SP4: variants seen among roughly 807,000 people sequenced by gnomAD.
SP4 encodes transcription factor Sp4.
SP4 carries 19 observed loss-of-function variants against 72.8 expected under a neutral mutation model. The ratio of observed to expected loss-of-function variants is 0.26; its 90% CI spans 0.18 to 0.38. SP4 has a LOEUF of 0.38. Ranked by LOEUF, SP4 falls within the 10% of genes least tolerant of loss-of-function variation. SP4 has a pLI of 1.00. For synonymous variants in SP4, 395 were observed against 333.1 expected (o/e 1.19, Z -2.02); for missense variants, 1,008 against 926.3 (o/e 1.09, Z -1.14).
intron 3 of SP4, among the ~76,000 whole-genome samples, chr7:21,432,456 G>A (rs1320139639): frequency 2.6e-5 from 4 of 152,188 alleles, no homozygotes; most frequent in African/African-American, 9.6e-5. Context: ...TTAATTAAGA[G>A]AATTAACTTA....
chr7:21,492,256 G>A (rs1784998803), intron 5 of SP4, among the ~76,000 whole-genome samples: 1 of 152,120 alleles, frequency 6.6e-6, no homozygotes, highest in African/African-American at 2.4e-5. Flanking sequence ...CTACAGAGAG[G>A]GTGGGTGGAG....
At chr7:21,498,476 G>A (rs971931005) in intron 5 of SP4, among the ~76,000 whole-genome samples, 19 of 152,248 alleles carry the variant, frequency 1.2e-4, no homozygotes, top group Middle Eastern at 3.4e-3. Flanking sequence ...ATTCTAGGCC[G>A]CGTAGGTAAG....
At chr7:21,444,105 A>G (rs1190358666) in intron 3 of SP4, among the ~76,000 whole-genome samples, 1 of 152,152 alleles carries the variant, frequency 6.6e-6, no homozygotes, top group Non-Finnish European at 1.5e-5. Context: ...TTAGACTTTC[A>G]TCTATTACCT....
In SP4 at chr7:21,439,586, A is replaced by G. The variant is rs572319571; in HGVS notation, c.1678+8743A>G. On this transcript the variant is annotated intron_variant, in intron 3 of 5. Coordinates refer to ENST00000222584, the MANE Select transcript of SP4 (RefSeq NM_003112.5). Reference sequence around the variant, plus strand: ...TCATGGCTCAGAATATCTGGTACAAAGGTGTTTTTTGAAAATGTTTGAGGC... The same window carrying G: ...TCATGGCTCAGAATATCTGGTACAAGGGTGTTTTTTGAAAATGTTTGAGGC... 2.6e-5 allele frequency among the ~76,000 whole-genome samples: 4 copies of G among 151,382 alleles called. No homozygotes were observed. The South Asian group carries it at 8.3e-4, about 32-fold the overall frequency.
At chr7:21,509,376 G>A (rs1460325373) in intron 5 of SP4, among the ~76,000 whole-genome samples, 2 of 151,594 alleles carry the variant, frequency 1.3e-5, no homozygotes, top group African/African-American at 2.4e-5. Flanking sequence ...TTATTTTTGT[G>A]TAGTCAGATT....
chr7:21,430,308 T>A lies in SP4; in HGVS notation c.1143T>A (p.Asn381Lys). The A allele has an allele frequency of 6.2e-7, 1 of 1,614,206 alleles. No individual in the cohort carries two copies. The highest frequency in any genetic ancestry group is 8.5e-7 in the Non-Finnish European group (1 of 1,180,042). ...AGAGCTCCAGTCAGCTTCAGCCTAATGGAATGCAGAATGCACAGGATCAAT... is the reference window on the plus strand; with the variant it reads ...AGAGCTCCAGTCAGCTTCAGCCTAAAGGAATGCAGAATGCACAGGATCAAT... ...EAQSSSQLQP[N>K]GMQNAQDQSN... Residue 381 changes from asparagine to lysine, a missense_variant, in exon 3 of 6, where the codon AAT (asparagine) becomes AAA (lysine). Physicochemically the swap from Asn to Lys is moderately conservative, Grantham distance 94 (BLOSUM62 0). This residue lies in a region of SP4 where 893 missense variants were observed against 743.3 expected (regional missense o/e 1.20). Transcript: ENST00000222584.
rs1442726474 is a variant in SP4 at position 21,429,425 on chromosome 7, C to A, written c.260C>A (p.Pro87Gln). Residue 87 changes from proline (P) to glutamine (Q), a missense_variant, in exon 3 of 6, where the codon CCA (proline) becomes CAA (glutamine). Coordinates refer to ENST00000222584, the MANE Select transcript of SP4 (RefSeq NM_003112.5). ...SQGLVQLQNQ[P>Q]QQLELVTTQL... ...GGATTGGTGCAACTTCAAAATCAAC[C>A]ACAACAGCTAGAACTGGTAACAACG... 6.2e-7 allele frequency: 1 copy of A among 1,614,114 alleles called. No individual in the cohort carries two copies. Among genetic ancestry groups the A allele is most frequent in the Non-Finnish European group, 8.5e-7 (1 of 1,180,008 alleles).
At chr7:21,430,920 G>T in intron 3 of SP4, 77 bp downstream of exon 3, 1 of 1,076,618 alleles carries the variant, frequency 9.3e-7, no homozygotes, top group Non-Finnish European at 1.3e-6. Flanking sequence ...CTAATTCTAA[G>T]GTTTGACGTA....
intron 3 of SP4, among the ~76,000 whole-genome samples, chr7:21,448,257 A>G (rs17262631): frequency 0.056 from 8,293 of 148,730 alleles, 337 homozygotes; most frequent in Admixed American, 0.089. Context: ...CACTACTATT[A>G]TACAGAAATT....
intron 3 of SP4, among the ~76,000 whole-genome samples, chr7:21,446,847 C>A (rs540180898): frequency 4.0e-5 from 6 of 149,434 alleles, no homozygotes; most frequent in Admixed American, 3.3e-4. Context: ...TTTCCCCAAG[C>A]CTGGGTTCCA....
At chr7:21,449,319 T>C (rs1350755092) in intron 3 of SP4, among the ~76,000 whole-genome samples, 2 of 152,232 alleles carry the variant, frequency 1.3e-5, no homozygotes, top group Non-Finnish European at 2.9e-5. Flanking sequence ...CTATGGCAGG[T>C]TGTGCCGCCT....
At chr7:21,503,238 A>G (rs957112420) in intron 5 of SP4, among the ~76,000 whole-genome samples, 4 of 152,132 alleles carry the variant, frequency 2.6e-5, no homozygotes, top group Non-Finnish European at 5.9e-5. Flanking sequence ...TATGGCCACT[A>G]TATAATTTCT....
At chr7:21,471,377 G>A (rs1211592977) in intron 3 of SP4, among the ~76,000 whole-genome samples, 1 of 152,196 alleles carries the variant, frequency 6.6e-6, no homozygotes, top group East Asian at 1.9e-4. Context: ...TGAAGAGGTA[G>A]ACTTAACAGG....
chr7:21,442,030 G>T (rs1021550968), intron 3 of SP4, among the ~76,000 whole-genome samples: 6 of 38,422 alleles, frequency 1.6e-4, no homozygotes, highest in Admixed American at 3.6e-4. Context: ...GTGTGTGTGT[G>T]TGTGTGTATT....
intron 5 of SP4, among the ~76,000 whole-genome samples, chr7:21,503,933 A>G (rs1781930197): frequency 6.6e-6 from 1 of 152,176 alleles, no homozygotes; most frequent in East Asian, 1.9e-4. Flanking sequence ...CATTTGTGTA[A>G]TGTAGATACT....
At chr7:21,498,884 GACC>G (rs1781792736) in intron 5 of SP4, among the ~76,000 whole-genome samples, 2 of 151,996 alleles carry the variant, frequency 1.3e-5, no homozygotes, top group Admixed American at 6.6e-5. Context: ...AGGAGATCGA[GACC>G]ATCCTGGCTA....
chr7:21,428,522 C>G (rs567154931), intron 1 of SP4, among the ~76,000 whole-genome samples, 155 bp from the exon 2 acceptor site: 5 of 152,356 alleles, frequency 3.3e-5, no homozygotes, highest in African/African-American at 9.6e-5. Context: ...CCTCCCTTCC[C>G]TCCTTCTCCC....
intron 3 of SP4, among the ~76,000 whole-genome samples, chr7:21,466,740 A>G (rs1444235387): frequency 6.6e-6 from 1 of 152,138 alleles, no homozygotes; most frequent in Non-Finnish European, 1.5e-5. Context: ...GCTCTTCCAT[A>G]AGGCAAAGAA....
At chr7:21,475,467 C>T (rs1784472489) in intron 3 of SP4, among the ~76,000 whole-genome samples, 1 of 151,554 alleles carries the variant, frequency 6.6e-6, no homozygotes, top group Admixed American at 6.6e-5. Flanking sequence ...TTTCTGCTAG[C>T]ATATTTTATT....
Sources: gnomAD v4.1 joint callset for allele counts (sites outside exome capture counted in the v4.1 genomes callset) on GRCh38, gnomAD v4.1.1 for gene constraint, gnomAD v4.1.1 regional missense constraint, MANE v1.5 for transcripts, NCBI Gene and HGNC (gene_info 2026-07-23, HGNC 2026-07-21) for gene names.